LRRC24: variants seen among roughly 807,000 people sequenced by gnomAD.
LRRC24 encodes the protein leucine rich repeat containing 24, also known as leucine-rich repeat-containing protein 24.
A neutral mutation model predicts 15.3 loss-of-function variants in LRRC24; 19 were observed. The ratio of observed to expected loss-of-function variants is 1.25; its 90% CI spans 0.87 to 1.83. The LOEUF (loss-of-function observed/expected upper bound fraction) is 1.83. Ranked by LOEUF, LRRC24 falls within the 40% of genes most tolerant of loss-of-function variation. The pLI, the probability that LRRC24 is intolerant of heterozygous loss-of-function variation, is 0.00. For synonymous variants in LRRC24, 469 were observed against 359.6 expected (o/e 1.30, Z -3.44); for missense variants, 914 against 723.9 (o/e 1.26, Z -3.01).
chr8:144,523,235 G>A lies in LRRC24; in HGVS notation c.782C>T (p.Ser261Phe). Residue 261 changes from serine (S) to phenylalanine (F), a missense_variant, in exon 5 of 5, where the codon TCT (serine) becomes TTT (phenylalanine). Physicochemically the swap from Ser to Phe is radical, Grantham distance 155. Coordinates refer to ENST00000529415, the MANE Select transcript of LRRC24 (RefSeq NM_001024678.4). ...SHSSLICIPP[S>F]VHVQPLELTA... ...GAGCTCCAGCGGCTGCACGTGGACA[G>A]AGGGCGGAATGCAGATGAGGCTGCT... is the stretch of plus-strand genomic sequence containing the variant. 1.2e-6 allele frequency: 2 copies of A among 1,610,350 alleles called. No individual in the cohort carries two copies. The highest frequency in any genetic ancestry group is 1.7e-6 in the Non-Finnish European group (2 of 1,178,924).
Position 144,525,004 on chromosome 8 carries a change from TC to T in LRRC24, c.-31del. On this transcript the variant is annotated 5_prime_UTR_variant, in exon 2 of 5. Transcript: ENST00000529415. Reference sequence around the variant, plus strand: ...CGAGGCCCGGTTCCTCACCGGCCCTTCCGCGGTTCAGCCGCAGACGCGTGCC... The same window carrying T: ...CGAGGCCCGGTTCCTCACCGGCCCTTCGCGGTTCAGCCGCAGACGCGTGCC... The T allele has an allele frequency of 1.4e-6, 2 of 1,417,778 alleles. No homozygotes were observed. Among genetic ancestry groups the T allele is most frequent in the Non-Finnish European group, 1.8e-6 (2 of 1,088,424 alleles). 87.8% of individuals were successfully genotyped at this position (1,417,778 alleles called of 1,614,324 possible). A position where few individuals can be genotyped will look rare whatever the true frequency, so the allele number is the denominator to read the frequency against.
intron 1 of LRRC24, among the ~76,000 whole-genome samples, chr8:144,525,425 G>T (rs1456254967): frequency 6.6e-6 from 1 of 152,222 alleles, no homozygotes; most frequent in Non-Finnish European, 1.5e-5. Flanking sequence ...GAAGTACAGG[G>T]TATGGCTTGA....
chr8:144,525,275 A>G lies in LRRC24; in HGVS notation c.-59-242T>C, dbSNP rs1816321958. The G allele has an allele frequency of 1.6e-5, 4 of 253,772 alleles. No individual in the cohort carries two copies. In the Admixed American group the frequency reaches 2.2e-4, roughly 14 times the overall value. 15.7% of individuals were successfully genotyped at this position (253,772 alleles called of 1,614,324 possible). A position where few individuals can be genotyped will look rare whatever the true frequency, so the allele number is the denominator to read the frequency against. On this transcript the variant is annotated intron_variant, in intron 1 of 4. Coordinates refer to ENST00000529415, the MANE Select transcript of LRRC24 (RefSeq NM_001024678.4). ...GTGACCATGTAGGGAGAGCCACCCA[A>G]CCCTGTCACCTTCTCCTTCTCCACC...
In LRRC24 at chr8:144,522,734, C is replaced by G; in HGVS notation, c.1283G>C (p.Arg428Pro). The G allele has an allele frequency of 6.3e-7, 1 of 1,591,382 alleles. No homozygotes were observed. The highest frequency in any genetic ancestry group is 1.4e-5 in the African/African-American group (1 of 73,646). The part of the protein sequence containing the change: ...ALLLVAMICR[R>P]RRRRKKARGP... Reference sequence around the variant, plus strand: ...CCGCGCCTTTTTTCGCCTGCGGCGCCGGCGACAGATCATGGCGACCAGGAG... The same window carrying G: ...CCGCGCCTTTTTTCGCCTGCGGCGCGGGCGACAGATCATGGCGACCAGGAG... Residue 428 changes from arginine (R) to proline (P), a missense_variant, in exon 5 of 5, where the codon CGG becomes CCG. Arg to Pro is a moderately radical substitution (Grantham distance 103). Transcript: ENST00000529415.
chr8:144,523,644 T>A (rs1276873836), intron 4 of LRRC24: 8 of 523,786 alleles, frequency 1.5e-5, no homozygotes, highest in South Asian at 5.2e-5. Flanking sequence ...AGATCACTTC[T>A]CCGTCGGTCT....
At chr8:144,523,618 G>A in intron 4 of LRRC24, 1 of 643,706 alleles carries the variant, frequency 1.6e-6, no homozygotes, top group Non-Finnish European at 2.4e-6. Context: ...TTAGCTCTGT[G>A]ATGCCTGCCT....
chr8:144,523,432 A>C, intron 4 of LRRC24, 23 bp from the exon 5 acceptor site: 1 of 1,509,508 alleles, frequency 6.6e-7, no homozygotes, highest in Admixed American at 2.2e-5. Context: ...AGCGTTAGGC[A>C]GGTGGCTTGA....
At position 144,523,394 on chromosome 8, in the gene LRRC24, C is replaced by T; in HGVS notation, c.623G>A (p.Cys208Tyr). ...ACCCAGCCAGTGCAGGGCGCAGTCA[C>T]AGCGCCATGGGTTCTCTGTGGGAGA... is the stretch of plus-strand genomic sequence containing the variant. ...VLRLTENPWR[C>Y]DCALHWLGAW... Residue 208 changes from cysteine to tyrosine, a missense_variant, in exon 5 of 5, where the codon TGT becomes TAT. By Grantham distance (194) the Cys-to-Tyr change is radical (BLOSUM62 -2). Coordinates refer to ENST00000529415, the MANE Select transcript of LRRC24 (RefSeq NM_001024678.4). 3 of 1,539,752 alleles carry T rather than the reference C, an allele frequency of 1.9e-6. No homozygotes were observed. Among genetic ancestry groups the T allele is most frequent in the Non-Finnish European group, 2.6e-6 (3 of 1,142,998 alleles).
At position 144,522,748 on chromosome 8, in the gene LRRC24, G is replaced by T. The variant is rs1489614795; in HGVS notation, c.1269C>A (p.Ala423=). 4 of 1,587,116 alleles carry T rather than the reference G, an allele frequency of 2.5e-6. No homozygotes were observed. Among genetic ancestry groups the T allele is most frequent in the Admixed American group, 1.8e-5 (1 of 57,134 alleles). The part of the protein sequence containing the change: ...LLALTALLLV[A]MICRRRRRRK... ...GCCTGCGGCGCCGGCGACAGATCAT[G>T]GCGACCAGGAGCAGCGCCGTGAGCG... The change falls in exon 5 of 5, where the codon GCC becomes GCA. Residue 423 remains alanine, a synonymous_variant. Transcript: ENST00000529415.
chr8:144,522,788 G>T lies in LRRC24; in HGVS notation c.1229C>A (p.Ala410Asp). 6.4e-7 allele frequency: 1 copy of T among 1,551,656 alleles called. No homozygotes were observed. Among genetic ancestry groups the T allele is most frequent in the Non-Finnish European group, 8.7e-7 (1 of 1,153,368 alleles). ...GVATQTAIAA[A>D]IALLALTALL... ...CGCCGTGAGCGCCAGCAGCGCGATG[G>T]CCGCCGCAATGGCCGTCTGTGTGGC... The change falls in exon 5 of 5, where the codon GCC (alanine) becomes GAC (aspartate). Residue 410 changes from alanine (A) to aspartate (D), a missense_variant. Ala to Asp is a moderately radical substitution (Grantham distance 126). Coordinates refer to ENST00000529415, the MANE Select transcript of LRRC24 (RefSeq NM_001024678.4).
At chr8:144,523,651 G>C (rs901988507) in intron 4 of LRRC24, 19 of 510,392 alleles carry the variant, frequency 3.7e-5, no homozygotes, top group Non-Finnish European at 6.0e-5. Context: ...TTCTCCGTCG[G>C]TCTCTGAGAA....
rs565084323 is a variant in LRRC24, at chr8:144,522,496, G to T, written c.1521C>A (p.Val507=). The T allele has an allele frequency of 1.1e-5, 17 of 1,495,840 alleles. No individual in the cohort carries two copies. The highest frequency in any genetic ancestry group is 2.0e-4 in the Middle Eastern group (1 of 5,052). The allele number at this position is 1,495,840 out of a possible 1,614,324, so 92.7% of individuals were successfully genotyped here. A position where few individuals can be genotyped will look rare whatever the true frequency, so the allele number is the denominator to read the frequency against. The part of the protein sequence containing the change: ...AGPGLRVPPP[V]AYEIHC The stretch of plus-strand genomic sequence containing the variant: ...GGCCCTAGCAGTGGATCTCGTAGGC[G>T]ACCGGCGGGGGCACGCGGAGTCCCG... Residue 507 remains valine, a synonymous_variant, in exon 5 of 5, where the codon GTC becomes GTA. Coordinates refer to ENST00000529415, the MANE Select transcript of LRRC24 (RefSeq NM_001024678.4).
chr8:144,524,879 G>C lies in LRRC24; in HGVS notation c.96C>G (p.Ala32=), dbSNP rs771182569. The change falls in exon 2 of 5, where the codon GCC becomes GCG. Residue 32 remains alanine, a synonymous_variant. Coordinates refer to ENST00000529415, the MANE Select transcript of LRRC24 (RefSeq NM_001024678.4). ...ACCGCAGGGCGCCACACTCCACCGT[G>C]GCGCTGTAGCAGCGGCAGGCTGCTG... ...GCPAACRCYS[A]TVECGALRLR... is the part of the protein sequence containing the mutation. 11 of 1,513,198 alleles carry C rather than the reference G, an allele frequency of 7.3e-6. No individual in the cohort carries two copies. The South Asian group carries it at 1.2e-4, about 17-fold the overall frequency. The allele number at this position is 1,513,198 out of a possible 1,614,324, so 93.7% of individuals were successfully genotyped here.
chr8:144,522,420 C>A lies in LRRC24; in HGVS notation c.*55G>T, dbSNP rs766090530. 2.1e-5 allele frequency: 29 copies of A among 1,377,280 alleles called. No homozygotes were observed. The highest frequency in any genetic ancestry group is 2.7e-5 in the Non-Finnish European group (29 of 1,073,410). 85.3% of individuals were successfully genotyped at this position (1,377,280 alleles called of 1,614,324 possible). On this transcript the variant is annotated 3_prime_UTR_variant, in exon 5 of 5. Coordinates refer to ENST00000529415, the MANE Select transcript of LRRC24 (RefSeq NM_001024678.4). ...CTTCCACCTTTACTGACGGAGCATG[C>A]GCGAGGCCGCACCGGCCAATCTCCG... is the stretch of plus-strand genomic sequence containing the variant.
rs1033135552 is a variant in LRRC24 at position 144,522,884 on chromosome 8, G to C, written c.1133C>G (p.Pro378Arg). The change falls in exon 5 of 5, where the codon CCG becomes CGG. Residue 378 changes from proline (P) to arginine (R), a missense_variant. By Grantham distance (103) the Pro-to-Arg change is moderately radical. Transcript: ENST00000529415. ...CTCGCTGCCGGCGGGGCGGGCGGCCGGAGGCGGCGGTTGCGCGGGCTGCTG... is the reference window on the plus strand; with the variant it reads ...CTCGCTGCCGGCGGGGCGGGCGGCCCGAGGCGGCGGTTGCGCGGGCTGCTG... The part of the protein sequence containing the change: ...QPQQPAQPPP[P>R]AARPAGSEPR... 1 of 1,269,930 alleles carries C rather than the reference G, an allele frequency of 7.9e-7. No homozygotes were observed. Among genetic ancestry groups the C allele is most frequent in the Non-Finnish European group, 9.9e-7 (1 of 1,014,676 alleles). The allele number at this position is 1,269,930 out of a possible 1,614,324, so 78.7% of individuals were successfully genotyped here. A position where few individuals can be genotyped will look rare whatever the true frequency, so the allele number is the denominator to read the frequency against.
chr8:144,525,535 G>A (rs376509810), intron 1 of LRRC24, among the ~76,000 whole-genome samples: 2 of 152,322 alleles, frequency 1.3e-5, no homozygotes, highest in East Asian at 3.9e-4. Flanking sequence ...GTTATCCTGT[G>A]GGGGCCTGGG....
At position 144,524,521 on chromosome 8, in the gene LRRC24, C is replaced by A. The variant is rs774474581; in HGVS notation, c.358G>T (p.Gly120Cys). The A allele has an allele frequency of 1.3e-6, 2 of 1,593,048 alleles. No individual in the cohort carries two copies. The highest frequency in any genetic ancestry group is 2.2e-5 in the South Asian group (2 of 90,484). ...TAGAGCACGCGCAGCTGGGCCAGGC[C>A]TACGAAGGCGCCGCTGCGCAAGCCG... ...LRGLRSGAFV[G>C]LAQLRVLYLA... Residue 120 changes from glycine (G) to cysteine (C), a missense_variant, in exon 3 of 5, where the codon GGC (glycine) becomes TGC (cysteine). Coordinates refer to ENST00000529415, the MANE Select transcript of LRRC24 (RefSeq NM_001024678.4).
Position 144,522,994 on chromosome 8 carries a change from AC to A in LRRC24, c.1022del (p.Gly341ValfsTer84). On this transcript the variant is annotated frameshift_variant, in exon 5 of 5. Coordinates refer to ENST00000529415, the MANE Select transcript of LRRC24 (RefSeq NM_001024678.4). LOFTEE classifies it low-confidence loss of function (END_TRUNC). Reference sequence around the variant, plus strand: ...CGTTGGAGGCCTCGCACTCGTACTTACCGGCGTGCGCCAGCGTGATGTTGCT... The same window carrying A: ...CGTTGGAGGCCTCGCACTCGTACTTACGGCGTGCGCCAGCGTGATGTTGCT... ...FLSNITLAHAGKYECEASNAG... is the reference protein window; with the variant it reads ...FLSNITLAHAXKYECEASNAG... The A allele has an allele frequency of 6.3e-7, 1 of 1,595,820 alleles. No individual in the cohort carries two copies. The highest frequency in any genetic ancestry group is 8.5e-7 in the Non-Finnish European group (1 of 1,175,234).
Position 144,523,073 on chromosome 8 carries a change from A to T in LRRC24, c.944T>A (p.Leu315Gln), listed in dbSNP as rs141940457. 1.7e-5 allele frequency: 28 copies of T among 1,607,644 alleles called. 1 individual carries two copies. The highest frequency in any genetic ancestry group is 1.1e-4 in the African/African-American group (8 of 74,780). The change falls in exon 5 of 5, where the codon CTG becomes CAG. Residue 315 changes from leucine to glutamine, a missense_variant. Transcript: ENST00000529415. ...GGATGCCGAGTGTCCGCCCAGGCCCAGCAACCCGCCTTCTAGCTGGGCCTG... is the reference window on the plus strand; with the variant it reads ...GGATGCCGAGTGTCCGCCCAGGCCCTGCAACCCGCCTTCTAGCTGGGCCTG... ...RAQAQLEGGL[L>Q]GLGGHSASDT...
Sources: gnomAD v4.1 joint callset for allele counts (sites outside exome capture counted in the v4.1 genomes callset) on GRCh38, gnomAD v4.1.1 for gene constraint, MANE v1.5 for transcripts, NCBI Gene and HGNC (gene_info 2026-07-23, HGNC 2026-07-21) for gene names.